Variants in SHISA6 observed in about 807,000 individuals in gnomAD.
SHISA6 encodes the protein shisa family member 6.
A neutral mutation model predicts 47.9 loss-of-function variants in SHISA6; 22 were observed. The observed-to-expected ratio is 0.46, with a 90% CI of 0.33 to 0.66. The LOEUF is 0.66. Among genes scored for constraint, SHISA6 ranks in the 30% least tolerant of loss-of-function variants. The pLI is 0.02. For missense variants in SHISA6, 680 were observed against 764.6 expected, an observed-to-expected ratio of 0.89 and a Z score of 1.30; for synonymous variants, 388 against 337.8, an observed-to-expected ratio of 1.15 and a Z score of -1.63.
intron 3 of SHISA6, among the ~76,000 whole-genome samples, chr17:11,480,382 A>T (rs903429392): frequency 7.0e-6 from 1 of 142,576 alleles, no homozygotes; most frequent in Non-Finnish European, 1.5e-5. Context: ...GAATCAATAA[A>T]TACTCATTGA....
chr17:11,337,348 G>A lies in SHISA6; in HGVS notation c.800-42066G>A, dbSNP rs141181709. ...GTACCATGTAGCATGTCCCACTGGA[G>A]GGTGTGTTATAGGGCCACCCATTCC... On this transcript the variant is annotated intron_variant, in intron 2 of 5. Transcript: ENST00000441885. Among the ~76,000 whole-genome samples, 886 of 152,216 alleles carry A rather than the reference G, an allele frequency of 5.8e-3. 8 individuals carry two copies. The highest frequency in any genetic ancestry group is 0.015 in the African/African-American group (635 of 41,478).
rs11298546 is a variant in SHISA6 at position 11,376,325 on chromosome 17, GTT to G, written c.800-3077_800-3076del. ...TGGGGCTTCATGTTTTTTTTTGTTT[GTT>G]TTTTTTTTTTTGAGACGTCTCGCTC... On this transcript the variant is annotated intron_variant, in intron 2 of 5. Coordinates refer to ENST00000441885, the MANE Select transcript of SHISA6 (RefSeq NM_207386.4). Among the ~76,000 whole-genome samples the G allele has an allele frequency of 7.3e-3, 961 of 130,932 alleles. 5 individuals carry two copies. The highest frequency in any genetic ancestry group is 0.012 in the Non-Finnish European group (723 of 59,818). 85.9% of individuals were successfully genotyped at this position (130,932 alleles called of 152,430 possible). A position where few individuals can be genotyped will look rare whatever the true frequency, so the allele number is the denominator to read the frequency against.
At chr17:11,502,501 G>C (rs946011120) in intron 3 of SHISA6, among the ~76,000 whole-genome samples, 1 of 151,232 alleles carries the variant, frequency 6.6e-6, no homozygotes, top group African/African-American at 2.4e-5. Context: ...GCCGAGACAG[G>C]TGGATCACTT....
intron 2 of SHISA6, among the ~76,000 whole-genome samples, chr17:11,376,863 A>G (rs1170714037): frequency 5.9e-5 from 9 of 152,186 alleles, no homozygotes; most frequent in Admixed American, 1.3e-4. Flanking sequence ...CCTCTGACCT[A>G]CTAAATCCGG....
intron 1 of SHISA6, among the ~76,000 whole-genome samples, chr17:11,258,566 A>G (rs1475680045): frequency 1.3e-5 from 2 of 152,216 alleles, no homozygotes; most frequent in African/African-American, 4.8e-5. Context: ...TTTATTTTAA[A>G]ATTTGAAAAC....
chr17:11,255,620 G>T (rs367643702), intron 1 of SHISA6, among the ~76,000 whole-genome samples: 2 of 152,176 alleles, frequency 1.3e-5, no homozygotes, highest in Non-Finnish European at 2.9e-5. Flanking sequence ...CAAGTTCAGG[G>T]TTCAGCAGAA....
chr17:11,442,639 G>T (rs1597515885), intron 3 of SHISA6, among the ~76,000 whole-genome samples: 2 of 152,226 alleles, frequency 1.3e-5, no homozygotes, highest in African/African-American at 4.8e-5. Flanking sequence ...CTGGCTCACA[G>T]TAAAGACTCA....
At chr17:11,454,451 C>G (rs1365335963) in intron 3 of SHISA6, among the ~76,000 whole-genome samples, 2 of 152,218 alleles carry the variant, frequency 1.3e-5, no homozygotes, top group Admixed American at 6.5e-5. Context: ...TTCAAGCCTC[C>G]CATTGACATC....
chr17:11,516,382 T>C (rs575856194), intron 3 of SHISA6, among the ~76,000 whole-genome samples: 1 of 152,094 alleles, frequency 6.6e-6, no homozygotes, highest in Non-Finnish European at 1.5e-5. Flanking sequence ...CTCACCAGAG[T>C]AGGGGCCCTT....
chr17:11,408,494 A>T (rs190969229), intron 3 of SHISA6, among the ~76,000 whole-genome samples: 1 of 152,294 alleles, frequency 6.6e-6, no homozygotes, highest in East Asian at 1.9e-4. Flanking sequence ...TAATCAAAAC[A>T]TGCTTCCTAA....
intron 3 of SHISA6, among the ~76,000 whole-genome samples, chr17:11,476,393 A>G (rs1916051185): frequency 6.6e-6 from 1 of 151,936 alleles, no homozygotes; most frequent in Admixed American, 6.6e-5. Context: ...CTGATTTTAG[A>G]TATTTTGAAT....
chr17:11,459,494 G>A (rs1248744746), intron 3 of SHISA6, among the ~76,000 whole-genome samples: 2 of 152,154 alleles, frequency 1.3e-5, no homozygotes, highest in African/African-American at 4.8e-5. Context: ...GTACACCTCT[G>A]CAGGCAGCAC....
chr17:11,376,507 G>A (rs1185949241), intron 2 of SHISA6, among the ~76,000 whole-genome samples: 1 of 151,920 alleles, frequency 6.6e-6, no homozygotes, highest in Non-Finnish European at 1.5e-5. Flanking sequence ...TGTATTTTTA[G>A]TAAAGACGGG....
chr17:11,515,088 C>T (rs1177844895), intron 3 of SHISA6, among the ~76,000 whole-genome samples: 2 of 151,902 alleles, frequency 1.3e-5, no homozygotes, highest in Non-Finnish European at 2.9e-5. Flanking sequence ...AGCATGTGGT[C>T]TCTTCAGGAG....
At chr17:11,443,658 T>G (rs1915153561) in intron 3 of SHISA6, among the ~76,000 whole-genome samples, 1 of 152,178 alleles carries the variant, frequency 6.6e-6, no homozygotes, top group Non-Finnish European at 1.5e-5. Context: ...TTGAAAGAGA[T>G]TAAGTCATAT....
chr17:11,350,244 A>G (rs1911838686), intron 2 of SHISA6, among the ~76,000 whole-genome samples: 1 of 87,072 alleles, frequency 1.1e-5, no homozygotes, highest in Non-Finnish European at 2.2e-5. Flanking sequence ...CAGTGGCGCG[A>G]TCTCGGCTCA....
intron 3 of SHISA6, among the ~76,000 whole-genome samples, chr17:11,529,907 A>C (rs533218744): frequency 2.0e-5 from 3 of 152,346 alleles, no homozygotes; most frequent in Non-Finnish European, 1.5e-5. Context: ...TAGTTCCCCT[A>C]TCAAACATAG....
intron 3 of SHISA6, among the ~76,000 whole-genome samples, chr17:11,381,416 A>G (rs1403551666): frequency 6.6e-6 from 1 of 152,220 alleles, no homozygotes; most frequent in Non-Finnish European, 1.5e-5. Flanking sequence ...TTCCACTGGG[A>G]GAAACAGACA....
chr17:11,413,352 C>CT (rs1914190633), intron 3 of SHISA6, among the ~76,000 whole-genome samples: 1 of 152,202 alleles, frequency 6.6e-6, no homozygotes, highest in Non-Finnish European at 1.5e-5. Flanking sequence ...TGTTCACCCT[C>CT]ATAGTTGCTT....
Sources: allele counts gnomAD v4.1 joint callset (sites outside exome capture counted in the v4.1 genomes callset), GRCh38; gene constraint gnomAD v4.1.1; transcripts MANE v1.5; gene names NCBI Gene and HGNC (gene_info 2026-07-23, HGNC 2026-07-21).